The following CAPS2 variants were observed in gnomAD, a reference collection of about 807,000 sequenced individuals.
The protein encoded by CAPS2 is calcyphosine 2.
Under a neutral mutation model 86.5 loss-of-function variants are expected in CAPS2, and 98 were observed. The ratio of observed to expected loss-of-function variants is 1.13; its 90% CI spans 0.96 to 1.34. The LOEUF (loss-of-function observed/expected upper bound fraction) is 1.34, where lower values mean the gene tolerates loss of function less well. Ranked by LOEUF, CAPS2 falls within the 40% of genes most tolerant of loss-of-function variation. The pLI is 0.00. For synonymous variants in CAPS2, 210 were observed against 225.1 expected, an observed-to-expected ratio of 0.93 and a Z score of 0.60; for missense variants, 729 against 686.8, an observed-to-expected ratio of 1.06 and a Z score of -0.69.
intron 1 of CAPS2, among the ~76,000 whole-genome samples, chr12:75,357,853 T>C (rs779472478): frequency 6.6e-6 from 1 of 150,852 alleles, no homozygotes; most frequent in Non-Finnish European, 1.5e-5. Context: ...AAAACAGTAA[T>C]TATGAGAAAA....
At chr12:75,296,763 C>T (rs1026936288) in intron 11 of CAPS2, among the ~76,000 whole-genome samples, 4 of 151,354 alleles carry the variant, frequency 2.6e-5, no homozygotes, top group Admixed American at 2.6e-4. Flanking sequence ...CAGAACACCA[C>T]CACCAAAAAA....
chr12:75,348,860 G>A (rs900804928), intron 1 of CAPS2, among the ~76,000 whole-genome samples: 5 of 152,176 alleles, frequency 3.3e-5, no homozygotes, highest in Non-Finnish European at 7.4e-5. Flanking sequence ...TACAACAAAG[G>A]GCCGTGATCT....
intron 16 of CAPS2, among the ~76,000 whole-genome samples, chr12:75,280,085 T>C (rs1489990794): frequency 6.6e-6 from 1 of 151,948 alleles, no homozygotes; most frequent in East Asian, 1.9e-4. Context: ...CAGCAAAAAA[T>C]GTTATATTTC....
chr12:75,282,244 T>A lies in CAPS2; in HGVS notation c.1612+7A>T. Reference sequence around the variant, plus strand: ...AAGTCCAATGCATTTTAACTCCGAATAATTACCTGAAATTACTTGAGAATG... The same window carrying A: ...AAGTCCAATGCATTTTAACTCCGAAAAATTACCTGAAATTACTTGAGAATG... On this transcript the variant is annotated splice_region_variant and intron_variant, in intron 16 of 16. Coordinates refer to ENST00000393284, the Ensembl canonical transcript of CAPS2. 7.0e-7 allele frequency: 1 copy of A among 1,434,726 alleles called. No individual in the cohort carries two copies. The highest frequency in any genetic ancestry group is 1.1e-5 in the South Asian group (1 of 87,260). 88.9% of individuals were successfully genotyped at this position (1,434,726 alleles called of 1,614,324 possible).
At chr12:75,343,443 ACT>A (rs1173487208) in intron 1 of CAPS2, among the ~76,000 whole-genome samples, 6 of 152,070 alleles carry the variant, frequency 3.9e-5, no homozygotes, top group African/African-American at 1.4e-4. Context: ...TTGTTTAGTG[ACT>A]CTAATGTACC....
exon 11 of CAPS2, chr12:75,298,697 T>A (rs969792199): frequency 6.2e-7 from 1 of 1,613,398 alleles, no homozygotes; most frequent in African/African-American, 1.3e-5. Context: ...AACATAAAAA[T>A]CACCAAGTCG....
At chr12:75,388,992 AC>A (rs1346313444) in intron 1 of CAPS2, among the ~76,000 whole-genome samples, 2 of 152,222 alleles carry the variant, frequency 1.3e-5, no homozygotes, top group African/African-American at 4.8e-5. Context: ...GGTAAAAAAA[AC>A]AAAACAAAAC....
chr12:75,318,868 C>G (rs1244399425), intron 5 of CAPS2, among the ~76,000 whole-genome samples: 1 of 151,862 alleles, frequency 6.6e-6, no homozygotes, highest in African/African-American at 2.4e-5. Context: ...AGTGCCTGGA[C>G]AGGGGTATTG....
At chr12:75,390,684 TG>T (rs1400417739) in intron 1 of CAPS2, among the ~76,000 whole-genome samples, 1 of 152,216 alleles carries the variant, frequency 6.6e-6, no homozygotes, top group African/African-American at 2.4e-5. Flanking sequence ...TCATTTCACC[TG>T]GCACAATTAG....
intron 1 of CAPS2, among the ~76,000 whole-genome samples, chr12:75,340,242 C>A (rs1381848347): frequency 6.6e-6 from 1 of 151,262 alleles, no homozygotes; most frequent in East Asian, 1.9e-4. Context: ...TTTAGAACTG[C>A]AAATTGTGCT....
chr12:75,287,822 C>T (rs777727331), intron 14 of CAPS2, among the ~76,000 whole-genome samples: 1 of 152,144 alleles, frequency 6.6e-6, no homozygotes, highest in African/African-American at 2.4e-5. Flanking sequence ...ACCCCCAACT[C>T]GAAATTAGTT....
exon 9 of CAPS2, chr12:75,299,866 T>C (rs770243775): frequency 4.6e-5 from 71 of 1,533,304 alleles, no homozygotes; most frequent in Non-Finnish European, 1.2e-5. Context: ...CAAACTGTAA[T>C]TTATGAGAAA....
At chr12:75,304,000 A>G (rs577687081) in intron 8 of CAPS2, among the ~76,000 whole-genome samples, 1 of 152,294 alleles carries the variant, frequency 6.6e-6, no homozygotes, top group African/African-American at 2.4e-5. Flanking sequence ...TCTAGAAGGA[A>G]TGTAGCCCTA....
At chr12:75,371,075 T>G (rs1228715552) in intron 1 of CAPS2, 1 of 152,210 alleles carries the variant, frequency 6.6e-6, no homozygotes, top group Non-Finnish European at 1.5e-5. Context: ...GAGAATTGAC[T>G]CACATGATCT....
intron 1 of CAPS2, among the ~76,000 whole-genome samples, chr12:75,338,384 G>A (rs1292674758): frequency 1.3e-5 from 2 of 152,082 alleles, no homozygotes; most frequent in Non-Finnish European, 2.9e-5. Flanking sequence ...GACTTGGATT[G>A]GGGGAATTTA....
intron 7 of CAPS2, among the ~76,000 whole-genome samples, chr12:75,312,468 T>C (rs958225687): frequency 6.6e-6 from 1 of 152,172 alleles, no homozygotes; most frequent in Non-Finnish European, 1.5e-5. Flanking sequence ...AGTGGCAGCA[T>C]TGTAAATGAT....
At chr12:75,390,514 GTTGGCCTTAAGAACTTCT>G (rs2045531439) in intron 1 of CAPS2, 9 of 395,290 alleles carry the variant, frequency 2.3e-5, no homozygotes, top group South Asian at 1.7e-4. Flanking sequence ...CATCAATTAA[GTTGGCCTTAAGAACTTCT>G]TTGGCCTTAA....
intron 7 of CAPS2, among the ~76,000 whole-genome samples, chr12:75,310,450 C>A (rs2039025028): frequency 6.6e-6 from 1 of 152,012 alleles, no homozygotes; most frequent in African/African-American, 2.4e-5. Flanking sequence ...ATGCAAAGTA[C>A]CTAAGACAGG....
chr12:75,355,550 C>A (rs2043100959), intron 1 of CAPS2, among the ~76,000 whole-genome samples: 1 of 152,134 alleles, frequency 6.6e-6, no homozygotes, highest in Non-Finnish European at 1.5e-5. Context: ...ATAGTCAAAC[C>A]ATTGTAGAAG....
Sources: gnomAD v4.1 joint callset for allele counts (sites outside exome capture counted in the v4.1 genomes callset) on GRCh38, gnomAD v4.1.1 for gene constraint, MANE v1.5 for transcripts, NCBI Gene and HGNC (gene_info 2026-07-23, HGNC 2026-07-21) for gene names.